DPYD: variants seen among roughly 807,000 people sequenced by gnomAD.
The protein encoded by DPYD is dihydropyrimidine dehydrogenase [NADP(+)].
Under a neutral mutation model 116.2 loss-of-function variants are expected in DPYD, and 109 were observed. The ratio of observed to expected loss-of-function variants is 0.94; its 90% CI spans 0.80 to 1.10. The LOEUF is 1.10. Among genes scored for constraint, DPYD ranks in the 50% least tolerant of loss-of-function variants. The pLI is 0.00. For synonymous variants in DPYD, 440 were observed against 432.0 expected, an observed-to-expected ratio of 1.02 and a Z score of -0.23; for missense variants, 1,302 against 1,254.5, an observed-to-expected ratio of 1.04 and a Z score of -0.57.
chr1:97,715,060 A>G (rs547509719), intron 5 of DPYD, among the ~76,000 whole-genome samples: 2 of 152,270 alleles, frequency 1.3e-5, no homozygotes, highest in African/African-American at 4.8e-5. Context: ...TCAAGCTCTA[A>G]ATAAAGTACT....
intron 20 of DPYD, among the ~76,000 whole-genome samples, chr1:97,141,901 A>G (rs1654253079): frequency 6.6e-6 from 1 of 152,126 alleles, no homozygotes; most frequent in Admixed American, 6.6e-5. Context: ...CTCCTTTGCC[A>G]AGTAGCCGCA....
At chr1:97,128,572 T>C (rs537318375) in intron 20 of DPYD, among the ~76,000 whole-genome samples, 115 of 152,320 alleles carry the variant, frequency 7.5e-4, no homozygotes, top group African/African-American at 2.7e-3. Flanking sequence ...GCATATGGTG[T>C]GTGTTCTGAA....
At chr1:97,160,519 C>G (rs190967510) in intron 20 of DPYD, among the ~76,000 whole-genome samples, 2 of 151,918 alleles carry the variant, frequency 1.3e-5, no homozygotes, top group African/African-American at 4.8e-5. Flanking sequence ...AGGGGGTGTT[C>G]GATGATGAGA....
intron 13 of DPYD, among the ~76,000 whole-genome samples, chr1:97,483,656 A>T (rs976946791): frequency 2.6e-5 from 4 of 152,188 alleles, no homozygotes; most frequent in East Asian, 1.9e-4. Context: ...CTAAAAAAAA[A>T]TTTAAAAAAA....
At chr1:97,179,183 C>A (rs1348209709) in intron 20 of DPYD, among the ~76,000 whole-genome samples, 1 of 152,184 alleles carries the variant, frequency 6.6e-6, no homozygotes, top group East Asian at 1.9e-4. Flanking sequence ...AGTCAGATGG[C>A]ATTCCAGCCT....
chr1:97,302,850 C>G (rs1364815015), intron 18 of DPYD, among the ~76,000 whole-genome samples: 2 of 152,128 alleles, frequency 1.3e-5, no homozygotes, highest in South Asian at 2.1e-4. Flanking sequence ...GTTCACTAAA[C>G]TTGATTGCAT....
intron 20 of DPYD, among the ~76,000 whole-genome samples, chr1:97,138,529 C>T (rs1472627598): frequency 1.3e-5 from 2 of 152,000 alleles, no homozygotes; most frequent in Admixed American, 1.3e-4. Flanking sequence ...AAATATAATC[C>T]GGTGAGCTTG....
chr1:97,089,366 T>C (rs558846902), intron 21 of DPYD, among the ~76,000 whole-genome samples: 1 of 152,280 alleles, frequency 6.6e-6, no homozygotes, highest in East Asian at 1.9e-4. Flanking sequence ...CTCATTTAAC[T>C]GGGCCAAATG....
At position 97,090,869 on chromosome 1, in the gene DPYD, T is replaced by C. The variant is rs1024834538; in HGVS notation, c.2766+7620A>G. Among the ~76,000 whole-genome samples, 16 of 152,330 alleles carry C rather than the reference T, an allele frequency of 1.1e-4. No homozygotes were observed. In the East Asian group the frequency reaches 3.1e-3, roughly 29 times the overall value. ...CTTGGACCATGCCGTGTCTGTTTTTTTGAATCTCCTGCAGTCCTTAGCACA... is the reference window on the plus strand; with the variant it reads ...CTTGGACCATGCCGTGTCTGTTTTTCTGAATCTCCTGCAGTCCTTAGCACA... On this transcript the variant is annotated intron_variant, in intron 21 of 22. Coordinates refer to ENST00000370192, the MANE Select transcript of DPYD (RefSeq NM_000110.4).
chr1:97,793,365 T>C (rs1352007583), intron 3 of DPYD, among the ~76,000 whole-genome samples: 1 of 152,146 alleles, frequency 6.6e-6, no homozygotes, highest in Non-Finnish European at 1.5e-5. Flanking sequence ...ACAAACTTAT[T>C]CTAAAATTCA....
At chr1:97,907,089 T>C (rs74450569) in intron 1 of DPYD, among the ~76,000 whole-genome samples, 8,520 of 152,150 alleles carry the variant, frequency 0.056, 264 homozygotes, top group South Asian at 0.1. Context: ...GACAAAGCGA[T>C]GAGTCATGGG....
chr1:97,370,374 T>C (rs1671254409), intron 16 of DPYD, among the ~76,000 whole-genome samples: 1 of 151,878 alleles, frequency 6.6e-6, no homozygotes, highest in Non-Finnish European at 1.5e-5. Context: ...CAAGAACACA[T>C]GGACACAGGG....
intron 20 of DPYD, among the ~76,000 whole-genome samples, chr1:97,113,257 G>A (rs953759001): frequency 7.9e-5 from 12 of 152,070 alleles, no homozygotes; most frequent in African/African-American, 2.7e-4. Flanking sequence ...CGGGCTCTCT[G>A]TTATCTAGGG....
chr1:97,595,991 A>C (rs1172565237), intron 8 of DPYD, among the ~76,000 whole-genome samples: 1 of 152,128 alleles, frequency 6.6e-6, no homozygotes, highest in Non-Finnish European at 1.5e-5. Flanking sequence ...TTGGTGTTCA[A>C]TATCTAGAAA....
At chr1:97,895,266 C>T (rs1467214316) in intron 1 of DPYD, among the ~76,000 whole-genome samples, 1 of 151,666 alleles carries the variant, frequency 6.6e-6, no homozygotes, top group Non-Finnish European at 1.5e-5. Context: ...AAAGACACTG[C>T]TCACAAGACC....
rs1334649723 is a variant in DPYD, at chr1:97,324,841, C to T, written c.2059-18544G>A. 2.0e-5 allele frequency among the ~76,000 whole-genome samples: 3 copies of T among 151,998 alleles called. No homozygotes were observed. In the East Asian group the frequency reaches 5.8e-4, roughly 29 times the overall value. ...AATGTATTAACAGTGGCTATGATTT[C>T]TACAAGATGGATATGTAGACAGAGA... On this transcript the variant is annotated intron_variant, in intron 16 of 22. Transcript: ENST00000370192.
intron 20 of DPYD, among the ~76,000 whole-genome samples, chr1:97,162,968 A>G (rs1656039515): frequency 6.6e-6 from 1 of 151,834 alleles, no homozygotes; most frequent in South Asian, 2.1e-4. Flanking sequence ...TACACCTTAT[A>G]CAAAAATTAA....
chr1:97,082,112 T>G (rs1355234328), intron 22 of DPYD, among the ~76,000 whole-genome samples: 1 of 152,156 alleles, frequency 6.6e-6, no homozygotes, highest in Non-Finnish European at 1.5e-5. Flanking sequence ...AAAATAATTC[T>G]GTGCATTAAA....
intron 8 of DPYD, among the ~76,000 whole-genome samples, chr1:97,678,376 T>C (rs1458638360): frequency 2.0e-5 from 3 of 152,146 alleles, no homozygotes; most frequent in African/African-American, 7.2e-5. Flanking sequence ...GGCCCCGAGT[T>C]TGGGGACCCC....
Sources: allele counts gnomAD v4.1 joint callset (sites outside exome capture counted in the v4.1 genomes callset), GRCh38; gene constraint gnomAD v4.1.1; transcripts MANE v1.5; gene names NCBI Gene and HGNC (gene_info 2026-07-23, HGNC 2026-07-21).